USP45: variants seen among roughly 807,000 people sequenced by gnomAD.
USP45 encodes the protein ubiquitin carboxyl-terminal hydrolase 45.
A neutral mutation model predicts 95.8 loss-of-function variants in USP45; 89 were observed. That is an observed-to-expected ratio of 0.93 (90% confidence interval 0.78 to 1.11). The LOEUF is 1.11. Among genes scored for constraint, USP45 ranks in the 50% least tolerant of loss-of-function variants. The probability of loss-of-function intolerance (pLI) is 0.00; values close to 1 mark genes in which losing one functional copy is unlikely to be tolerated. For missense variants in USP45, 898 were observed against 942.5 expected (o/e 0.95, Z 0.62); for synonymous variants, 281 against 316.2 (o/e 0.89, Z 1.18).
At position 99,488,797 on chromosome 6, in the gene USP45, G is replaced by A. The variant is rs769746537; in HGVS notation, c.502C>T (p.Leu168Phe). 1 of 1,592,450 alleles carries A rather than the reference G, an allele frequency of 6.3e-7. No homozygotes were observed. Among genetic ancestry groups the A allele is most frequent in the Non-Finnish European group, 8.5e-7 (1 of 1,171,822 alleles). ...TCTGTTTCACATTTTTCTTCACAAA[G>A]TTTCATGATTCTAGAAAATGCACCT... ...QTSAFSRIMK[L>F]CEEKCETDEI... The change falls in exon 6 of 18, where the codon CTT becomes TTT. Residue 168 changes from leucine (L) to phenylalanine (F), a missense_variant. Leu to Phe is a conservative substitution (Grantham distance 22). Coordinates refer to ENST00000500704, the MANE Select transcript of USP45 (RefSeq NM_001346022.3).
intron 14 of USP45, among the ~76,000 whole-genome samples, chr6:99,445,542 T>G (rs949920738): frequency 5.3e-5 from 8 of 152,046 alleles, no homozygotes; most frequent in Non-Finnish European, 1.0e-4. Flanking sequence ...GATAGGTAGT[T>G]CCCTCAAATA....
At position 99,439,782 on chromosome 6, in the gene USP45, G is replaced by A; in HGVS notation, c.2147C>T (p.Ser716Phe). The A allele has an allele frequency of 6.2e-7, 1 of 1,601,328 alleles. No individual in the cohort carries two copies. The highest frequency in any genetic ancestry group is 2.3e-5 in the East Asian group (1 of 44,278). Residue 716 changes from serine (S) to phenylalanine (F), a missense_variant, in exon 16 of 18, where the codon TCT becomes TTT. Ser to Phe is a radical substitution (Grantham distance 155). Coordinates refer to ENST00000500704, the MANE Select transcript of USP45 (RefSeq NM_001346022.3). ...AATATACTGTACCTTACAAGTAGCA[G>A]AGCAGAATGGTGCTAAATCGAGCAT... ...PLMLDLAPFCSATCKNASVGD... is the reference protein window; with the variant it reads ...PLMLDLAPFCFATCKNASVGD...
Position 99,510,103 on chromosome 6 carries a change from C to A in USP45, c.100+18G>T. On this transcript the variant is annotated intron_variant, in intron 2 of 17. Coordinates refer to ENST00000500704, the MANE Select transcript of USP45 (RefSeq NM_001346022.3). ...TTTCTTCTCAACACTATTTGGGATG[C>A]CATATATCACAATTTACCAGCAATA... 6.4e-7 allele frequency: 1 copy of A among 1,551,496 alleles called. No individual in the cohort carries two copies. Among genetic ancestry groups the A allele is most frequent in the African/African-American group, 1.4e-5 (1 of 73,530 alleles).
intron 9 of USP45, among the ~76,000 whole-genome samples, chr6:99,475,083 TTC>T (rs1423140575): frequency 6.6e-6 from 1 of 152,128 alleles, no homozygotes; most frequent in Non-Finnish European, 1.5e-5. Flanking sequence ...ATAATGAAGT[TTC>T]TGTCTACTGG....
intron 16 of USP45, 27 bp downstream of exon 16, chr6:99,439,742 T>C (rs1436120769): frequency 1.4e-6 from 2 of 1,435,478 alleles, no homozygotes; most frequent in Non-Finnish European, 1.9e-6. Flanking sequence ...AATTTATAAA[T>C]CAATTAAATA....
intron 17 of USP45, 116 bp from the exon 18 acceptor site, chr6:99,435,962 G>T: frequency 9.1e-7 from 1 of 1,102,680 alleles, no homozygotes; most frequent in East Asian, 2.8e-5. Context: ...TTTTACCTGA[G>T]AAGCCTGTTT....
chr6:99,485,212 G>C (rs1256172267), intron 7 of USP45, among the ~76,000 whole-genome samples: 1 of 151,482 alleles, frequency 6.6e-6, no homozygotes, highest in Non-Finnish European at 1.5e-5. Context: ...GGGTGTGGTG[G>C]CACGCATCTA....
rs190754368 is a variant in USP45, at chr6:99,501,291, T to A, written c.478+2474A>T. Among the ~76,000 whole-genome samples the A allele has an allele frequency of 1.5e-3, 222 of 152,058 alleles. 2 individuals carry two copies. Among genetic ancestry groups the A allele is most frequent in the Middle Eastern group, 6.8e-3 (2 of 294 alleles). ...TAGCAATCACTTATCTTTATTTTTT[T>A]AAAAAAATATGAAATTACCGTGATA... On this transcript the variant is annotated intron_variant, in intron 5 of 17. Transcript: ENST00000500704.
intron 5 of USP45, among the ~76,000 whole-genome samples, chr6:99,499,428 T>C (rs757041755): frequency 6.6e-6 from 1 of 152,152 alleles, no homozygotes; most frequent in African/African-American, 2.4e-5. Context: ...AAATATTTTA[T>C]AAAAATATAC....
chr6:99,517,163 A>G (rs1801164883), upstream of USP45, among the ~76,000 whole-genome samples: 1 of 152,160 alleles, frequency 6.6e-6, no homozygotes, highest in South Asian at 2.1e-4. Context: ...ACTTAATTGA[A>G]TGTAAAATTT....
intron 13 of USP45, chr6:99,462,145 G>GA (rs1289955989): frequency 1.2e-5 from 12 of 981,198 alleles, no homozygotes; most frequent in African/African-American, 1.8e-5. Context: ...TCTATTACAT[G>GA]AAAAAAACGT....
chr6:99,498,968 G>GT (rs1424215386), intron 5 of USP45, among the ~76,000 whole-genome samples: 2 of 152,138 alleles, frequency 1.3e-5, no homozygotes, highest in Non-Finnish European at 2.9e-5. Context: ...TTAGAGCCAA[G>GT]TCTCGTTGTG....
At chr6:99,473,534 C>T (rs1789985209) in intron 9 of USP45, among the ~76,000 whole-genome samples, 1 of 151,738 alleles carries the variant, frequency 6.6e-6, no homozygotes, top group African/African-American at 2.4e-5. Flanking sequence ...AGCAACAGAG[C>T]AAGACACTGT....
chr6:99,484,347 T>C (rs759298087), intron 7 of USP45, among the ~76,000 whole-genome samples: 3 of 149,764 alleles, frequency 2.0e-5, no homozygotes, highest in Non-Finnish European at 3.0e-5. Context: ...TTTAAAATTT[T>C]TGTAGAGACG....
intron 9 of USP45, among the ~76,000 whole-genome samples, chr6:99,475,842 GAC>G (rs1790689114): frequency 6.6e-6 from 1 of 151,012 alleles, no homozygotes; most frequent in African/African-American, 2.4e-5. Flanking sequence ...TGTTTTTTGA[GAC>G]AGAGTCTCAC....
At chr6:99,502,556 G>A (rs114942592) in intron 5 of USP45, among the ~76,000 whole-genome samples, 216 of 152,266 alleles carry the variant, frequency 1.4e-3, no homozygotes, top group African/African-American at 4.9e-3. Flanking sequence ...CCAGTAGTTA[G>A]TGTCAGAACT....
At chr6:99,441,528 A>G (rs1781524558) in intron 15 of USP45, among the ~76,000 whole-genome samples, 1 of 150,614 alleles carries the variant, frequency 6.6e-6, no homozygotes, top group Non-Finnish European at 1.5e-5. Flanking sequence ...GCGAAACTCC[A>G]TCTCCAAAAA....
chr6:99,481,287 G>A (rs1022486470), intron 8 of USP45, among the ~76,000 whole-genome samples: 1 of 152,190 alleles, frequency 6.6e-6, no homozygotes, highest in Non-Finnish European at 1.5e-5. Flanking sequence ...ATATGTCTGT[G>A]TATGTATGAT....
At chr6:99,486,311 TAA>T (rs938190193) in intron 7 of USP45, among the ~76,000 whole-genome samples, 2 of 152,162 alleles carry the variant, frequency 1.3e-5, no homozygotes, top group Non-Finnish European at 1.5e-5. Context: ...GATACAAACC[TAA>T]AGTTATTAAC....
Sources: allele counts gnomAD v4.1 joint callset (sites outside exome capture counted in the v4.1 genomes callset), GRCh38; gene constraint gnomAD v4.1.1; transcripts MANE v1.5; gene names NCBI Gene and HGNC (gene_info 2026-07-23, HGNC 2026-07-21).